Variants in PIEZO2 observed in about 807,000 individuals in gnomAD.
The protein encoded by PIEZO2 is piezo type mechanosensitive ion channel component 2, also known as piezo-type mechanosensitive ion channel component 2.
A neutral mutation model predicts 337.3 loss-of-function variants in PIEZO2; 172 were observed. The ratio of observed to expected loss-of-function variants is 0.51; its 90% CI spans 0.45 to 0.58. PIEZO2 has a LOEUF of 0.58. Ranked by LOEUF, PIEZO2 falls within the 20% of genes least tolerant of loss-of-function variation. The pLI is 0.00. For missense variants in PIEZO2, 3,028 were observed against 3,391.3 expected, an observed-to-expected ratio of 0.89 and a Z score of 2.66; for synonymous variants, 1,251 against 1,228.5, an observed-to-expected ratio of 1.02 and a Z score of -0.38.
chr18:10,723,259 G>T (rs1170719809), intron 36 of PIEZO2, among the ~76,000 whole-genome samples: 1 of 152,106 alleles, frequency 6.6e-6, no homozygotes, highest in Non-Finnish European at 1.5e-5. Context: ...GAGCCACCGC[G>T]CCTGGCCTCC....
At chr18:10,944,488 CATAT>C (rs768935656) in intron 3 of PIEZO2, among the ~76,000 whole-genome samples, 9 of 132,892 alleles carry the variant, frequency 6.8e-5, no homozygotes, top group African/African-American at 2.2e-4. Flanking sequence ...ATCTTAGTAA[CATAT>C]ATATATATAT....
rs1038186781 is a variant in PIEZO2, at chr18:11,111,184, G to A, written c.64+37341C>T. On this transcript the variant is annotated intron_variant, in intron 1 of 55. Transcript: ENST00000674853. The surrounding 1 kb of genome is among the most constrained non-coding windows in gnomAD (Gnocchi z 6.2). ...CCACAGCCAGCCTGGGAGTGTCAGA[G>A]GGCTCTGACGCCAGCCCAGGACTCT... Among the ~76,000 whole-genome samples the A allele has an allele frequency of 2.0e-5, 3 of 152,158 alleles. No homozygotes were observed. Among genetic ancestry groups the A allele is most frequent in the Non-Finnish European group, 2.9e-5 (2 of 68,032 alleles).
rs1437287282 is a variant in PIEZO2 at position 10,699,056 on chromosome 18, T to A, written c.6563A>T (p.Asn2188Ile). 1 of 1,537,150 alleles carries A rather than the reference T, an allele frequency of 6.5e-7. No individual in the cohort carries two copies. The highest frequency in any genetic ancestry group is 1.2e-5 in the South Asian group (1 of 84,054). Residue 2188 changes from asparagine to isoleucine, a missense_variant, in exon 44 of 56, where the codon AAC becomes ATC. Asn to Ile is a moderately radical substitution (Grantham distance 149, BLOSUM62 -3). Transcript: ENST00000674853. ...RDSSDSLKSI[N>I]LAASVESVHV... is the part of the protein sequence containing the mutation. Reference sequence around the variant, plus strand: ...CACTGACTCCACAGACGCGGCCAGGTTGATGGACTTGAGAGAATCGGAGGA... The same window carrying A: ...CACTGACTCCACAGACGCGGCCAGGATGATGGACTTGAGAGAATCGGAGGA...
chr18:10,684,563 C>T (rs546705783), intron 49 of PIEZO2, among the ~76,000 whole-genome samples: 2 of 151,382 alleles, frequency 1.3e-5, no homozygotes, highest in East Asian at 2.0e-4. Flanking sequence ...CACCTGGGCT[C>T]GAGAGATTCT....
Position 10,855,467 on chromosome 18 carries a change from A to G in PIEZO2, c.803T>C (p.Phe268Ser). Residue 268 changes from phenylalanine to serine, a missense_variant, in exon 7 of 56, where the codon TTC becomes TCC. Physicochemically the swap from Phe to Ser is radical, Grantham distance 155. This residue lies in a region of PIEZO2 where 542 missense variants were observed against 605.6 expected (regional missense o/e 0.89). Coordinates refer to ENST00000674853, the MANE Select transcript of PIEZO2 (RefSeq NM_001378183.1). This position sits in a 1 kb window ranked among gnomAD's most constrained non-coding sequence, Gnocchi z 4.9. The stretch of plus-strand genomic sequence containing the variant: ...AGCCAGCAGAACACAGAGACAGCTG[A>G]ACAGCAATGGGTCGAACGTCCGGCA... ...SWCRTFDPLL[F>S]SCLCVLLAIF... is the part of the protein sequence containing the mutation. 6.5e-7 allele frequency: 1 copy of G among 1,537,212 alleles called. No homozygotes were observed. The highest frequency in any genetic ancestry group is 1.2e-5 in the South Asian group (1 of 84,054).
chr18:11,121,372 TAGTA>T (rs1476625986), intron 1 of PIEZO2, among the ~76,000 whole-genome samples: 1 of 151,906 alleles, frequency 6.6e-6, no homozygotes, highest in African/African-American at 2.4e-5. Context: ...CTGGGCAACA[TAGTA>T]GAACCCTGTC....
chr18:10,886,827 T>C (rs1192528537), intron 4 of PIEZO2, among the ~76,000 whole-genome samples: 1 of 151,938 alleles, frequency 6.6e-6, no homozygotes, highest in Non-Finnish European at 1.5e-5. Context: ...ATTAGGCCTT[T>C]CTTGTCTTGC....
Position 10,856,167 on chromosome 18 carries a change from C to T in PIEZO2, c.704-601G>A, listed in dbSNP as rs1238490862. On this transcript the variant is annotated intron_variant, in intron 6 of 55. Transcript: ENST00000674853. The surrounding 1 kb of genome is among the most constrained non-coding windows in gnomAD (Gnocchi z 4.7). The stretch of plus-strand genomic sequence containing the variant: ...TCCCTCCTTGGCCTTCCAAAGGGCT[C>T]GGATTACAGGCATGAGCCACTGCTC... 2.0e-5 allele frequency among the ~76,000 whole-genome samples: 3 copies of T among 151,992 alleles called. No homozygotes were observed. Among genetic ancestry groups the T allele is most frequent in the East Asian group, 1.9e-4 (1 of 5,188 alleles).
chr18:10,925,403 A>AT (rs988524594), intron 3 of PIEZO2, among the ~76,000 whole-genome samples: 3 of 152,178 alleles, frequency 2.0e-5, no homozygotes, highest in African/African-American at 4.8e-5. Context: ...TATTCCATAA[A>AT]TGTTGATTGA....
chr18:10,964,540 A>G (rs1472979030), intron 3 of PIEZO2, among the ~76,000 whole-genome samples: 1 of 152,220 alleles, frequency 6.6e-6, no homozygotes, highest in Non-Finnish European at 1.5e-5. Flanking sequence ...CTGAAATGCT[A>G]ATGAGACTTT....
At chr18:10,966,081 A>T (rs1439349076) in intron 3 of PIEZO2, among the ~76,000 whole-genome samples, 2 of 152,218 alleles carry the variant, frequency 1.3e-5, no homozygotes, top group African/African-American at 4.8e-5. Flanking sequence ...TGCAAAAATG[A>T]AAGTGTCCAA....
intron 4 of PIEZO2, among the ~76,000 whole-genome samples, chr18:10,875,038 T>C (rs1023687663): frequency 6.6e-6 from 1 of 152,188 alleles, no homozygotes; most frequent in African/African-American, 2.4e-5. Context: ...TTGATCACTT[T>C]ATATTGTATG....
intron 43 of PIEZO2, among the ~76,000 whole-genome samples, chr18:10,699,686 G>GT (rs1469340358): frequency 6.6e-6 from 1 of 151,194 alleles, no homozygotes; most frequent in Non-Finnish European, 1.5e-5. Context: ...GAGGGTCCCA[G>GT]TAGGGAAGAG....
At chr18:10,978,541 CTCTA>C (rs762791818) in intron 3 of PIEZO2, among the ~76,000 whole-genome samples, 2 of 152,136 alleles carry the variant, frequency 1.3e-5, no homozygotes, top group Non-Finnish European at 2.9e-5. Context: ...AACTTTAGCT[CTCTA>C]TCTAACAGTT....
intron 5 of PIEZO2, among the ~76,000 whole-genome samples, chr18:10,868,321 G>T (rs75032376): frequency 0.021 from 3,155 of 152,244 alleles, 106 homozygotes; most frequent in African/African-American, 0.071. Flanking sequence ...ATAAGCAGCA[G>T]GAAATATGCT....
intron 36 of PIEZO2, among the ~76,000 whole-genome samples, chr18:10,719,003 A>AATT (rs1567981813): frequency 2.2e-4 from 33 of 146,976 alleles, no homozygotes; most frequent in African/African-American, 8.8e-4. Flanking sequence ...ATAAATAAAT[A>AATT]AATAAATAAA....
intron 1 of PIEZO2, among the ~76,000 whole-genome samples, chr18:11,108,711 C>A: frequency 6.6e-6 from 1 of 151,718 alleles, no homozygotes; most frequent in East Asian, 1.9e-4. Flanking sequence ...TATTCCCACA[C>A]CCACTGTGTG....
chr18:10,927,452 C>A (rs969492718), intron 3 of PIEZO2, among the ~76,000 whole-genome samples: 2 of 152,156 alleles, frequency 1.3e-5, no homozygotes, highest in South Asian at 4.1e-4. Flanking sequence ...CGGAGAGGAG[C>A]TGATGTAACA....
At position 10,894,246 on chromosome 18, in the gene PIEZO2, A is replaced by G. The variant is rs1194107868; in HGVS notation, c.329+16940T>C. On this transcript the variant is annotated intron_variant, in intron 4 of 55. Coordinates refer to ENST00000674853, the MANE Select transcript of PIEZO2 (RefSeq NM_001378183.1). This position sits in a 1 kb window ranked among gnomAD's most constrained non-coding sequence, Gnocchi z 4.1. ...TGGGGGCGGATCACCTGAGGTCAGG[A>G]GTTGAGACCAGCCTGGCCAACATGG... Among the ~76,000 whole-genome samples the G allele has an allele frequency of 1.3e-5, 2 of 152,036 alleles. No homozygotes were observed. Among genetic ancestry groups the G allele is most frequent in the African/African-American group, 4.8e-5 (2 of 41,396 alleles).
Sources: gnomAD v4.1 joint callset for allele counts (sites outside exome capture counted in the v4.1 genomes callset) on GRCh38, gnomAD v4.1.1 for gene constraint, gnomAD v4.1.1 regional missense constraint, Gnocchi (gnomAD v3.1) non-coding constraint, MANE v1.5 for transcripts, NCBI Gene and HGNC (gene_info 2026-07-23, HGNC 2026-07-21) for gene names.